AATK: variants seen among roughly 807,000 people sequenced by gnomAD.
AATK encodes the protein serine/threonine-protein kinase LMTK1.
In AATK, 91 loss-of-function variants were observed where a neutral mutation model predicts 114.3. The ratio of observed to expected loss-of-function variants is 0.80; its 90% CI spans 0.67 to 0.95. The LOEUF is 0.95. Among genes scored for constraint, AATK ranks in the 40% least tolerant of loss-of-function variants. The probability of loss-of-function intolerance (pLI) is 0.00; values close to 1 mark genes in which losing one functional copy is unlikely to be tolerated. For missense variants in AATK, 2,176 were observed against 1,965.2 expected, an observed-to-expected ratio of 1.11 and a Z score of -2.03; for synonymous variants, 1,075 against 916.5, an observed-to-expected ratio of 1.17 and a Z score of -3.12.
rs958980638 is a variant in AATK, at chr17:81,119,167, T to C, written c.4084+213A>G. Among the ~76,000 whole-genome samples, 131 of 116,580 alleles carry C rather than the reference T, an allele frequency of 1.1e-3. 1 individual carries two copies. Among genetic ancestry groups the C allele is most frequent in the Middle Eastern group, 4.8e-3 (1 of 208 alleles). 76.5% of individuals were successfully genotyped at this position (116,580 alleles called of 152,430 possible). A position where few individuals can be genotyped will look rare whatever the true frequency, so the allele number is the denominator to read the frequency against. On this transcript the variant is annotated intron_variant, in intron 13 of 13. Transcript: ENST00000326724. ...AGGTGAGGGTCAGGTGAGGGTCAGG[T>C]GAGGGTCAGGTGAGGGTCAGGTGAG...
Position 81,127,828 on chromosome 17 carries a change from T to C in AATK, c.497A>G (p.Glu166Gly). The C allele has an allele frequency of 6.5e-7, 1 of 1,540,262 alleles. No homozygotes were observed. The highest frequency in any genetic ancestry group is 1.2e-5 in the South Asian group (1 of 83,780). Reference sequence around the variant, plus strand: ...CACCTCCTCCAGGAACTGCATCTGCTCCTGCACGCTGGCACTAGCCTGCAG... The same window carrying C: ...CACCTCCTCCAGGAACTGCATCTGCCCCTGCACGCTGGCACTAGCCTGCAG... ...KELQASASVQ[E>G]QMQFLEEVQP... Residue 166 changes from glutamate (E) to glycine (G), a missense_variant, in exon 5 of 14, where the codon GAG (glutamate) becomes GGG (glycine). This residue lies in a region of AATK where 273 missense variants were observed against 344.1 expected (regional missense o/e 0.79). Coordinates refer to ENST00000326724, the MANE Select transcript of AATK (RefSeq NM_001080395.3).
Position 81,120,235 on chromosome 17 carries a change from A to G in AATK, c.3701T>C (p.Phe1234Ser), listed in dbSNP as rs1471806669. ...DLERKKKAVS[F>S]FDDVTVYLFD... is the part of the protein sequence containing the mutation. ...GAGGTAGACGGTGACGTCGTCGAAGAAGGACACGGCCTTCTTCTTGCGTTC... is the reference window on the plus strand; with the variant it reads ...GAGGTAGACGGTGACGTCGTCGAAGGAGGACACGGCCTTCTTCTTGCGTTC... The change falls in exon 11 of 14, where the codon TTC becomes TCC. Residue 1234 changes from phenylalanine to serine, a missense_variant. Physicochemically the swap from Phe to Ser is radical, Grantham distance 155. Coordinates refer to ENST00000326724, the MANE Select transcript of AATK (RefSeq NM_001080395.3). 5.0e-6 allele frequency: 8 copies of G among 1,589,034 alleles called. No homozygotes were observed. Among genetic ancestry groups the G allele is most frequent in the South Asian group, 2.2e-5 (2 of 90,554 alleles).
chr17:81,122,481 G>T lies in AATK; in HGVS notation c.1455C>A (p.Arg485=), dbSNP rs1455287113. The change falls in exon 11 of 14, where the codon CGC becomes CGA. Residue 485 remains arginine, a synonymous_variant. Transcript: ENST00000326724. ...GCGTGGCCGGGAAGGCCTCCGCGCC[G>T]CGGCCCGCCTCCCACTTGTACTCAA... The part of the protein sequence containing the change: ...LNFEYKWEAG[R]GAEAFPATLS... 3 of 1,455,866 alleles carry T rather than the reference G, an allele frequency of 2.1e-6. No individual in the cohort carries two copies. Among genetic ancestry groups the T allele is most frequent in the Middle Eastern group, 1.9e-4 (1 of 5,376 alleles). 90.2% of individuals were successfully genotyped at this position (1,455,866 alleles called of 1,614,324 possible). A position where few individuals can be genotyped will look rare whatever the true frequency, so the allele number is the denominator to read the frequency against.
chr17:81,165,495 G>T, intron 1 of AATK: 1 of 520,666 alleles, frequency 1.9e-6, no homozygotes, highest in Non-Finnish European at 3.2e-6. Context: ...TGGTGGCTGG[G>T]CAGGGCTCTG....
intron 1 of AATK, among the ~76,000 whole-genome samples, chr17:81,136,996 G>A (rs1430080999): frequency 6.6e-6 from 1 of 152,134 alleles, no homozygotes; most frequent in Non-Finnish European, 1.5e-5. Context: ...GGTGGCTCAT[G>A]CCTGTAATCT....
intron 2 of AATK, among the ~76,000 whole-genome samples, chr17:81,132,173 A>G (rs1056934791): frequency 1.3e-5 from 2 of 152,186 alleles, no homozygotes; most frequent in African/African-American, 4.8e-5. Flanking sequence ...GACAGCCCCA[A>G]TCCCTGAGCA....
In AATK at chr17:81,120,303, G is replaced by T; in HGVS notation, c.3633C>A (p.Leu1211=). Residue 1211 remains leucine, a synonymous_variant, in exon 11 of 14, where the codon CTC becomes CTA. Transcript: ENST00000326724. ...TCTCGGACAGCAGGCTGGGCATCTT[G>T]AGCAGGCTGCGCAGGTTGCGCGCGC... ...SQSARNLRSL[L]KMPSLLSETF... The T allele has an allele frequency of 6.2e-7, 1 of 1,610,030 alleles. No individual in the cohort carries two copies. The highest frequency in any genetic ancestry group is 8.5e-7 in the Non-Finnish European group (1 of 1,178,644).
chr17:81,122,849 C>G, intron 10 of AATK, 26 bp from the exon 11 acceptor site: 1 of 1,431,900 alleles, frequency 7.0e-7, no homozygotes, highest in Non-Finnish European at 9.2e-7. Context: ...CCGGGGGCCA[C>G]GTCAGAGGCA....
At chr17:81,165,059 C>G (rs2061469787) in intron 1 of AATK, among the ~76,000 whole-genome samples, 1 of 152,240 alleles carries the variant, frequency 6.6e-6, no homozygotes. Context: ...AGCCTGGTGC[C>G]AGAGCCCCAG....
intron 1 of AATK, among the ~76,000 whole-genome samples, chr17:81,134,774 G>T (rs554439314): frequency 5.9e-5 from 9 of 152,352 alleles, no homozygotes; most frequent in African/African-American, 1.7e-4. Context: ...CCCAATTCTG[G>T]GGTTCAGATA....
rs2060773722 is a variant in AATK at position 81,124,717 on chromosome 17, C to T, written c.962+10G>A. 1.2e-6 allele frequency: 2 copies of T among 1,612,188 alleles called. No homozygotes were observed. The highest frequency in any genetic ancestry group is 1.1e-5 in the South Asian group (1 of 91,036). On this transcript the variant is annotated intron_variant, in intron 9 of 13. Transcript: ENST00000326724. ...TCGGCCCCTCACGGTGCCACCAGGG[C>T]CGCACTCACCACACATTCCCGCTCT...
chr17:81,124,013 G>A (rs990466974), intron 9 of AATK, among the ~76,000 whole-genome samples: 10 of 152,284 alleles, frequency 6.6e-5, no homozygotes, highest in African/African-American at 1.9e-4. Context: ...GCCAGGAAGG[G>A]GCACCTTGGT....
In AATK at chr17:81,162,153, G is replaced by A. The variant is rs145022080; in HGVS notation, c.55+3785C>T. Among the ~76,000 whole-genome samples the A allele has an allele frequency of 3.5e-3, 538 of 152,168 alleles. 14 individuals are homozygous for A. The East Asian group carries it at 0.046, about 13-fold the overall frequency. Reference sequence around the variant, plus strand: ...GCTGGTAGGTGGGAGCCGGACCCGTGCCCAGGGCCCACGGCCTGCGTGTGA... The same window carrying A: ...GCTGGTAGGTGGGAGCCGGACCCGTACCCAGGGCCCACGGCCTGCGTGTGA... On this transcript the variant is annotated intron_variant, in intron 1 of 13. Coordinates refer to ENST00000326724, the MANE Select transcript of AATK (RefSeq NM_001080395.3).
At chr17:81,145,245 A>AG (rs1181220372) in intron 1 of AATK, among the ~76,000 whole-genome samples, 79 of 132,534 alleles carry the variant, frequency 6.0e-4, no homozygotes, top group African/African-American at 1.6e-3. Flanking sequence ...AAAAAAAAAA[A>AG]AAAAAGAAAA....
At chr17:81,139,049 C>T (rs911225641) in intron 1 of AATK, among the ~76,000 whole-genome samples, 1 of 152,208 alleles carries the variant, frequency 6.6e-6, no homozygotes, top group Non-Finnish European at 1.5e-5. Context: ...GGCACACACA[C>T]CCGCACATGC....
chr17:81,141,281 C>G (rs751168662), intron 1 of AATK, among the ~76,000 whole-genome samples: 4 of 152,150 alleles, frequency 2.6e-5, no homozygotes, highest in Non-Finnish European at 4.4e-5. Flanking sequence ...GAAATCCCGT[C>G]TCTACTAAAA....
chr17:81,138,201 A>ACACC (rs1555595594), intron 1 of AATK, among the ~76,000 whole-genome samples: 3 of 147,094 alleles, frequency 2.0e-5, no homozygotes, highest in African/African-American at 7.5e-5. Flanking sequence ...ACACACACAC[A>ACACC]CACCCCCACA....
intron 1 of AATK, among the ~76,000 whole-genome samples, chr17:81,150,315 C>T (rs1193478845): frequency 2.0e-5 from 3 of 152,092 alleles, no homozygotes; most frequent in Admixed American, 2.0e-4. Context: ...CCTCTGTCAA[C>T]GCTGGGTGGG....
rs1303178450 is a variant in AATK, at chr17:81,121,475, C to A, written c.2461G>T (p.Asp821Tyr). 1 of 1,575,190 alleles carries A rather than the reference C, an allele frequency of 6.3e-7. No homozygotes were observed. The highest frequency in any genetic ancestry group is 8.6e-7 in the Non-Finnish European group (1 of 1,159,036). Residue 821 changes from aspartate (D) to tyrosine (Y), a missense_variant, in exon 11 of 14, where the codon GAT becomes TAT. By Grantham distance (160) the Asp-to-Tyr change is radical. Coordinates refer to ENST00000326724, the MANE Select transcript of AATK (RefSeq NM_001080395.3). ...SEEASAPDAP[D>Y]ALPDSPTPAT... ...GGCGTGGGAGAGTCAGGCAGGGCAT[C>A]AGGGGCGTCGGGGGCACTGGCCTCC... is the stretch of plus-strand genomic sequence containing the variant.
Sources: allele counts gnomAD v4.1 joint callset (sites outside exome capture counted in the v4.1 genomes callset), GRCh38; gene constraint gnomAD v4.1.1; regional missense constraint gnomAD v4.1.1; transcripts MANE v1.5; gene names NCBI Gene and HGNC (gene_info 2026-07-23, HGNC 2026-07-21).